Variants in TBC1D14 observed in about 807,000 individuals in gnomAD.
TBC1D14 encodes the protein TBC1 domain family, member 14.
TBC1D14 carries 26 observed loss-of-function variants against 79.0 expected under a neutral mutation model. That is an observed-to-expected ratio of 0.33 (90% CI 0.24 to 0.46). The LOEUF (loss-of-function observed/expected upper bound fraction) is 0.46, where lower values mean the gene tolerates loss of function less well. TBC1D14 is among the 20% of genes least tolerant of loss of function. The pLI is 1.00. For synonymous variants in TBC1D14, 394 were observed against 349.9 expected (o/e 1.13, Z -1.40); for missense variants, 769 against 887.6 (o/e 0.87, Z 1.70).
chr4:6,911,881 T>A (rs1320303796), intron 1 of TBC1D14, among the ~76,000 whole-genome samples: 2 of 152,216 alleles, frequency 1.3e-5, no homozygotes, highest in Non-Finnish European at 2.9e-5. Flanking sequence ...GGAAAAGATT[T>A]GTTGTCAGTA....
chr4:6,926,460 C>T (rs1438495498), intron 2 of TBC1D14, among the ~76,000 whole-genome samples: 1 of 152,238 alleles, frequency 6.6e-6, no homozygotes, highest in Non-Finnish European at 1.5e-5. Context: ...TCATACTCAG[C>T]TTTGTGCTGC....
intron 2 of TBC1D14, among the ~76,000 whole-genome samples, chr4:6,951,385 A>G (rs1263672711): frequency 2.0e-5 from 3 of 152,200 alleles, no homozygotes; most frequent in Admixed American, 6.5e-5. Context: ...AATTGAAACA[A>G]TAATAGCTGG....
Position 7,001,229 on chromosome 4 carries a change from C to T in TBC1D14, c.1248C>T (p.Gly416=). The change falls in exon 7 of 14, where the codon GGC becomes GGT. Residue 416 remains glycine (G), a synonymous_variant. Transcript: ENST00000409757. The part of the protein sequence containing the change: ...VRGKVWSLAI[G]NELNITHELF... ...GCAAAGTCTGGAGCTTAGCCATTGG[C>T]AACGAGTTAAATATCACCCACGGTG... The T allele has an allele frequency of 1.2e-6, 2 of 1,614,118 alleles. No individual in the cohort carries two copies. The highest frequency in any genetic ancestry group is 1.7e-5 in the Admixed American group (1 of 60,034).
intron 12 of TBC1D14, among the ~76,000 whole-genome samples, chr4:7,023,062 G>A (rs568707452): frequency 7.2e-5 from 11 of 152,120 alleles, no homozygotes; most frequent in South Asian, 2.1e-4. Flanking sequence ...AAGACCAGCC[G>A]GGCCAAGATG....
intron 2 of TBC1D14, among the ~76,000 whole-genome samples, chr4:6,956,094 A>C (rs1286466583): frequency 6.6e-6 from 1 of 152,254 alleles, no homozygotes; most frequent in Non-Finnish European, 1.5e-5. Flanking sequence ...ACCCACTTCC[A>C]TGAGCTTGAC....
intron 6 of TBC1D14, among the ~76,000 whole-genome samples, chr4:7,000,716 C>G (rs978608480): frequency 3.3e-5 from 5 of 152,226 alleles, no homozygotes; most frequent in Non-Finnish European, 7.3e-5. Flanking sequence ...TGCTGACTCT[C>G]TGCTGGGGTC....
intron 1 of TBC1D14, among the ~76,000 whole-genome samples, chr4:6,913,918 C>G (rs1236608332): frequency 6.6e-6 from 1 of 151,956 alleles, no homozygotes; most frequent in Admixed American, 6.6e-5. Context: ...CACTTGAGCT[C>G]AGGAGTTCAA....
At chr4:6,970,916 G>T (rs1421746354) in intron 3 of TBC1D14, among the ~76,000 whole-genome samples, 2 of 137,804 alleles carry the variant, frequency 1.5e-5, no homozygotes, top group South Asian at 2.5e-4. Flanking sequence ...GTTGAGCTGG[G>T]GTCAGGTGTG....
At chr4:6,929,865 C>T (rs1355025816) in intron 2 of TBC1D14, among the ~76,000 whole-genome samples, 1 of 152,210 alleles carries the variant, frequency 6.6e-6, no homozygotes, top group African/African-American at 2.4e-5. Context: ...GCACTTCTGT[C>T]GCTTTCTAAA....
At chr4:7,002,828 A>G (rs1322735377) in intron 7 of TBC1D14, among the ~76,000 whole-genome samples, 2 of 152,232 alleles carry the variant, frequency 1.3e-5, no homozygotes, top group Non-Finnish European at 2.9e-5. Context: ...CTGAGTACCA[A>G]GCATCATATT....
intron 1 of TBC1D14, among the ~76,000 whole-genome samples, chr4:6,918,543 G>A (rs554836149): frequency 6.6e-6 from 1 of 152,316 alleles, no homozygotes; most frequent in South Asian, 2.1e-4. Context: ...CAGCCTGTGA[G>A]CTATAGGGTA....
chr4:6,958,367 C>T (rs1038648307), intron 2 of TBC1D14, among the ~76,000 whole-genome samples: 4 of 78,038 alleles, frequency 5.1e-5, no homozygotes, highest in South Asian at 8.1e-4. Context: ...TACACGTGAT[C>T]CCCACATATA....
At chr4:6,978,756 AG>A (rs367790019) in intron 3 of TBC1D14, among the ~76,000 whole-genome samples, 29 of 150,026 alleles carry the variant, frequency 1.9e-4, no homozygotes, top group Non-Finnish European at 3.9e-4. Flanking sequence ...AAAAAAAAAA[AG>A]AAAAGAAAAT....
intron 2 of TBC1D14, among the ~76,000 whole-genome samples, chr4:6,942,662 C>G (rs1713019737): frequency 6.6e-6 from 1 of 152,184 alleles, no homozygotes; most frequent in South Asian, 2.1e-4. Flanking sequence ...AACACATTTT[C>G]TGTGGTGGGA....
chr4:6,919,392 C>T (rs530164776), intron 1 of TBC1D14, among the ~76,000 whole-genome samples: 12 of 152,090 alleles, frequency 7.9e-5, no homozygotes, highest in Admixed American at 3.9e-4. Context: ...GTGATCCGCC[C>T]GTCTCGGCCT....
At chr4:6,987,105 C>T in intron 3 of TBC1D14, 1 of 1,160,038 alleles carries the variant, frequency 8.6e-7, no homozygotes, top group Non-Finnish European at 1.1e-6. Flanking sequence ...CGCCCCTCGC[C>T]GCTCATCAGC....
In TBC1D14 at chr4:6,923,842, C is replaced by T. The variant is rs375225757; in HGVS notation, c.453C>T (p.Ser151=). ...CGACCTCCAAAGCCCTGACCCGCAG[C>T]GATGATGTCTCCGTCTGCAGCGTGT... ...YSPTSKALTR[S]DDVSVCSVSS... Residue 151 remains serine (S), a synonymous_variant, in exon 2 of 14, where the codon AGC becomes AGT. Coordinates refer to ENST00000409757, the MANE Select transcript of TBC1D14 (RefSeq NM_020773.3). 88 of 1,614,060 alleles carry T rather than the reference C, an allele frequency of 5.5e-5. No individual in the cohort carries two copies. The highest frequency in any genetic ancestry group is 7.7e-5 in the South Asian group (7 of 91,096).
intron 2 of TBC1D14, among the ~76,000 whole-genome samples, chr4:6,924,557 C>T (rs1377131478): frequency 6.6e-6 from 1 of 152,182 alleles, no homozygotes; most frequent in African/African-American, 2.4e-5. Flanking sequence ...CAGCCGTGTC[C>T]CCGTGCCCCT....
intron 12 of TBC1D14, among the ~76,000 whole-genome samples, chr4:7,020,862 A>G (rs377351505): frequency 6.6e-6 from 1 of 152,302 alleles, no homozygotes; most frequent in East Asian, 1.9e-4. Context: ...CACCATGCCC[A>G]GCTAATCTCC....
Sources: allele counts gnomAD v4.1 joint callset (sites outside exome capture counted in the v4.1 genomes callset), GRCh38; gene constraint gnomAD v4.1.1; transcripts MANE v1.5; gene names NCBI Gene and HGNC (gene_info 2026-07-23, HGNC 2026-07-21).